The following PDE4D variants were observed in gnomAD, a reference collection of about 807,000 sequenced individuals.
The protein encoded by PDE4D is 3',5'-cyclic-AMP phosphodiesterase 4D.
In PDE4D, 24 loss-of-function variants were observed where a neutral mutation model predicts 87.4. The observed-to-expected ratio is 0.27, with a 90% confidence interval of 0.20 to 0.39. PDE4D has a LOEUF of 0.39. Ranked by LOEUF, PDE4D falls within the 10% of genes least tolerant of loss-of-function variation. The pLI, the probability that PDE4D is intolerant of heterozygous loss-of-function variation, is 1.00. For missense variants in PDE4D, 714 were observed against 1,041.0 expected, an observed-to-expected ratio of 0.69 and a Z score of 4.32; for synonymous variants, 384 against 383.2, an observed-to-expected ratio of 1.00 and a Z score of -0.02.
chr5:59,967,509 G>A (rs1836544), intron 3 of PDE4D, among the ~76,000 whole-genome samples: 149,969 of 152,328 alleles, frequency 0.98, 73,848 homozygotes, highest in East Asian at 1. Context: ...AAATGCTTAC[G>A]TCACTAATCA....
intron 1 of PDE4D, among the ~76,000 whole-genome samples, chr5:59,863,370 A>C (rs1480994704): frequency 2.0e-5 from 3 of 152,096 alleles, no homozygotes; most frequent in Admixed American, 2.0e-4. Flanking sequence ...TGTTTTGTTA[A>C]TTTCTTACTA....
intron 2 of PDE4D, among the ~76,000 whole-genome samples, chr5:59,206,225 A>G (rs1748766173): frequency 6.6e-6 from 1 of 152,218 alleles, no homozygotes; most frequent in African/African-American, 2.4e-5. Flanking sequence ...ACCACAGATT[A>G]CCAGGAATCT....
intron 1 of PDE4D, among the ~76,000 whole-genome samples, chr5:59,678,708 G>A (rs555067921): frequency 2.9e-4 from 44 of 152,114 alleles, no homozygotes; most frequent in African/African-American, 1.0e-3. Context: ...CAAGTGATCC[G>A]CCTTGGCCTC....
At chr5:60,104,334 G>T (rs1284419896) in intron 2 of PDE4D, among the ~76,000 whole-genome samples, 1 of 152,230 alleles carries the variant, frequency 6.6e-6, no homozygotes, top group Non-Finnish European at 1.5e-5. Flanking sequence ...GCCCAGGCTT[G>T]CTTACGTAAA....
At chr5:59,824,356 G>C (rs1770067937) in intron 1 of PDE4D, among the ~76,000 whole-genome samples, 1 of 152,136 alleles carries the variant, frequency 6.6e-6, no homozygotes, top group Non-Finnish European at 1.5e-5. Context: ...ACACATGCTG[G>C]TGGTTACTGT....
chr5:59,992,772 T>C (rs913302447), intron 2 of PDE4D, among the ~76,000 whole-genome samples: 2 of 152,234 alleles, frequency 1.3e-5, no homozygotes, highest in African/African-American at 4.8e-5. Context: ...GCTTATACTC[T>C]GTTAGTTTAA....
chr5:60,392,251 T>C (rs1264399449), intron 1 of PDE4D, among the ~76,000 whole-genome samples: 3 of 152,308 alleles, frequency 2.0e-5, no homozygotes, highest in South Asian at 4.1e-4. Flanking sequence ...ACTTGCAAGT[T>C]TGAACAAATT....
intron 1 of PDE4D, among the ~76,000 whole-genome samples, chr5:59,598,022 GCAAAACATGAACAATACACGTCC>G (rs1357396917): frequency 3.9e-5 from 6 of 152,010 alleles, no homozygotes. Flanking sequence ...GCACAACAAA[GCAAAACATGAACAATACACGTCC>G]CAAACTGATG....
intron 1 of PDE4D, among the ~76,000 whole-genome samples, chr5:59,728,822 G>A (rs1292503560): frequency 1.3e-5 from 2 of 151,964 alleles, no homozygotes; most frequent in Non-Finnish European, 2.9e-5. Flanking sequence ...AAAATAAATG[G>A]CTGTAGATTT....
At chr5:60,252,523 T>C (rs1025784938) in intron 1 of PDE4D, among the ~76,000 whole-genome samples, 3 of 151,626 alleles carry the variant, frequency 2.0e-5, no homozygotes, top group African/African-American at 7.3e-5. Context: ...AAATGCATGA[T>C]AAACTAGGGT....
At chr5:60,417,740 G>T (rs1742734906) in intron 1 of PDE4D, among the ~76,000 whole-genome samples, 1 of 152,120 alleles carries the variant, frequency 6.6e-6, no homozygotes, top group African/African-American at 2.4e-5. Context: ...CTTCTGAATG[G>T]GCTCTTTTGA....
At chr5:59,099,571 G>C (rs1050024670) in intron 5 of PDE4D, among the ~76,000 whole-genome samples, 1 of 148,684 alleles carries the variant, frequency 6.7e-6, no homozygotes, top group African/African-American at 2.6e-5. Context: ...GTGACAGTAC[G>C]AGTTACTGTT....
rs542652907 is a variant in PDE4D at position 59,359,330 on chromosome 5, T to C, written c.456-143362A>G. On this transcript the variant is annotated intron_variant, in intron 1 of 14. Transcript: ENST00000340635. ...AAATTGAAACTCTGCTTCATTTTCC[T>C]AGTGTGAAATCAGTTACAGACACAA... Among the ~76,000 whole-genome samples the C allele has an allele frequency of 2.0e-5, 3 of 152,354 alleles. No individual in the cohort carries two copies. The South Asian group carries it at 6.2e-4, about 32-fold the overall frequency.
intron 1 of PDE4D, among the ~76,000 whole-genome samples, chr5:60,197,081 A>ATAGATAGACAGT (rs1741345308): frequency 1.3e-4 from 16 of 126,984 alleles, no homozygotes; most frequent in South Asian, 5.1e-4. Context: ...AGACAGTTAG[A>ATAGATAGACAGT]TAGATAGATA....
At chr5:59,958,640 C>T (rs1267886349) in intron 3 of PDE4D, among the ~76,000 whole-genome samples, 1 of 152,104 alleles carries the variant, frequency 6.6e-6, no homozygotes, top group Non-Finnish European at 1.5e-5. Context: ...CAAAATCCAA[C>T]ATCCCTTCAT....
chr5:59,753,696 A>G (rs918541615), intron 1 of PDE4D, among the ~76,000 whole-genome samples: 2 of 152,200 alleles, frequency 1.3e-5, no homozygotes, highest in Non-Finnish European at 2.9e-5. Flanking sequence ...AAGAAAAGGG[A>G]GATCTCATAT....
chr5:60,207,047 G>A (rs1260914006), intron 1 of PDE4D, among the ~76,000 whole-genome samples: 1 of 152,178 alleles, frequency 6.6e-6, no homozygotes. Flanking sequence ...TTTACAGGTG[G>A]ATCTTACAGA....
At chr5:59,181,402 T>C (rs949611082) in intron 4 of PDE4D, among the ~76,000 whole-genome samples, 6 of 151,780 alleles carry the variant, frequency 4.0e-5, no homozygotes, top group African/African-American at 1.5e-4. Flanking sequence ...CAGTGCTTAA[T>C]AAATTATGTT....
chr5:60,445,620 C>T (rs1260253262), intron 1 of PDE4D, among the ~76,000 whole-genome samples: 1 of 152,130 alleles, frequency 6.6e-6, no homozygotes, highest in Non-Finnish European at 1.5e-5. Flanking sequence ...ATCAAAGACT[C>T]AACCACTGCC....
Sources: allele counts gnomAD v4.1 joint callset (sites outside exome capture counted in the v4.1 genomes callset), GRCh38; gene constraint gnomAD v4.1.1; transcripts MANE v1.5; gene names NCBI Gene and HGNC (gene_info 2026-07-23, HGNC 2026-07-21).